The following WNK3 variants were observed in gnomAD, a reference collection of about 807,000 sequenced individuals.
WNK3 encodes the protein WNK lysine deficient protein kinase 3, also known as serine/threonine-protein kinase WNK3.
A neutral mutation model predicts 116.7 loss-of-function variants in WNK3; 18 were observed. That is an observed-to-expected ratio of 0.15 (90% CI 0.11 to 0.23). The LOEUF (loss-of-function observed/expected upper bound fraction) is 0.23. Among genes scored for constraint, WNK3 ranks in the 10% least tolerant of loss-of-function variants. WNK3 has a pLI of 1.00. For missense variants in WNK3, 993 were observed against 1,323.8 expected (o/e 0.75, Z 3.88); for synonymous variants, 404 against 469.4 (o/e 0.86, Z 1.80).
At chrX:54,254,769 C>T (rs2068172472) in intron 12 of WNK3, among the ~76,000 whole-genome samples, 1 of 111,448 alleles carries the variant, frequency 9.0e-6, no homozygotes, top group Non-Finnish European at 1.9e-5. Context: ...TTTAAAATGT[C>T]ATGTTATTGA....
chrX:54,274,947 G>A (rs2068424334), intron 10 of WNK3, among the ~76,000 whole-genome samples: 1 of 105,503 alleles, frequency 9.5e-6, no homozygotes, highest in African/African-American at 3.5e-5. Context: ...GGAGGTTGAG[G>A]CTACAGTAGA....
intron 2 of WNK3, among the ~76,000 whole-genome samples, chrX:54,317,393 T>C (rs2068971779): frequency 9.1e-6 from 1 of 109,819 alleles, no homozygotes; most frequent in Admixed American, 9.8e-5. Context: ...CTCTTGACCT[T>C]GTGATCCGCC....
chrX:54,320,232 G>A (rs2069013380), intron 2 of WNK3, among the ~76,000 whole-genome samples: 1 of 111,337 alleles, frequency 9.0e-6, no homozygotes. Flanking sequence ...CCTGAGACAT[G>A]GCACAATACC....
At position 54,255,932 on chromosome X, in the gene WNK3, A is replaced by G. The variant is rs1193439905; in HGVS notation, c.2103-45T>C. On this transcript the variant is annotated intron_variant, in intron 11 of 23. Coordinates refer to ENST00000354646, the Ensembl canonical transcript of WNK3. ...AGTAACTCATTCCAGTCTTGACAGTAAAATTCTAAGAAAAACTCCCAATTA... is the reference window on the plus strand; with the variant it reads ...AGTAACTCATTCCAGTCTTGACAGTGAAATTCTAAGAAAAACTCCCAATTA... The G allele has an allele frequency of 2.1e-5, 23 of 1,082,097 alleles. No individual in the cohort carries two copies. In the East Asian group the frequency reaches 6.8e-4, roughly 32 times the overall value. 89.2% of individuals were successfully genotyped at this position (1,082,097 alleles called of 1,213,427 possible). A position where few individuals can be genotyped will look rare whatever the true frequency, so the allele number is the denominator to read the frequency against.
chrX:54,231,825 G>A (rs1557148965), intron 21 of WNK3, among the ~76,000 whole-genome samples: 1 of 110,714 alleles, frequency 9.0e-6, no homozygotes, highest in African/African-American at 3.3e-5. Flanking sequence ...GTTCCATTGG[G>A]ATTTCACATA....
exon 24 of WNK3, chrX:54,195,134 A>G (rs1276530057): frequency 2.7e-5 from 3 of 112,153 alleles, no homozygotes; most frequent in African/African-American, 9.7e-5. Context: ...GTTACACCCA[A>G]CTTCACAGAC....
chrX:54,330,789 C>CA (rs1288542486), intron 2 of WNK3, among the ~76,000 whole-genome samples: 1 of 111,135 alleles, frequency 9.0e-6, no homozygotes, highest in Non-Finnish European at 1.9e-5. Flanking sequence ...ACTAAAAATA[C>CA]AAAAACAAAC....
chrX:54,289,391 A>C (rs1031424694), intron 10 of WNK3, among the ~76,000 whole-genome samples: 9 of 110,966 alleles, frequency 8.1e-5, no homozygotes, highest in Admixed American at 9.7e-5. Flanking sequence ...TTCAATGGGA[A>C]GGATGATAAT....
At chrX:54,240,141 C>T (rs952701481) in intron 17 of WNK3, among the ~76,000 whole-genome samples, 1 of 110,505 alleles carries the variant, frequency 9.0e-6, no homozygotes, top group African/African-American at 3.3e-5. Flanking sequence ...CCCGTCTCTA[C>T]TAAAAATACA....
chrX:54,350,409 C>CAAA (rs1350476250), intron 1 of WNK3, among the ~76,000 whole-genome samples: 1 of 69,580 alleles, frequency 1.4e-5, no homozygotes, highest in Non-Finnish European at 2.8e-5. Flanking sequence ...GACTCTGTCT[C>CAAA]AAAAAAAAAA....
chrX:54,250,052 C>A, exon 16 of WNK3: 1 of 1,204,031 alleles, frequency 8.3e-7, no homozygotes, highest in Non-Finnish European at 1.1e-6. Context: ...AAGGAGGAGA[C>A]TGAGTCTCAC....
chrX:54,245,943 CT>C (rs2068071174), intron 17 of WNK3, among the ~76,000 whole-genome samples: 1 of 112,363 alleles, frequency 8.9e-6, no homozygotes, highest in African/African-American at 3.2e-5. Flanking sequence ...ATGAAAATTA[CT>C]GCGCCCAGCC....
At chrX:54,276,114 TG>T (rs2068444507) in intron 10 of WNK3, among the ~76,000 whole-genome samples, 1 of 110,102 alleles carries the variant, frequency 9.1e-6, no homozygotes, top group South Asian at 3.9e-4. Flanking sequence ...CTGAGGCGGG[TG>T]GATCACCTGA....
intron 1 of WNK3, among the ~76,000 whole-genome samples, chrX:54,336,887 C>T (rs2069245806): frequency 9.0e-6 from 1 of 111,421 alleles, no homozygotes; most frequent in South Asian, 3.7e-4. Context: ...GATGACATTA[C>T]TAGGACATAT....
intron 17 of WNK3, among the ~76,000 whole-genome samples, chrX:54,245,681 G>A (rs1256203278): frequency 1.8e-5 from 2 of 111,905 alleles, no homozygotes; most frequent in Non-Finnish European, 3.8e-5. Context: ...TTGCTTCATA[G>A]TATCAGTGTC....
chrX:54,236,255 G>A (rs1279958872), intron 20 of WNK3, among the ~76,000 whole-genome samples: 1 of 108,558 alleles, frequency 9.2e-6, no homozygotes, highest in African/African-American at 3.4e-5. Context: ...GAGTACAGGC[G>A]TCTGCCACCA....
At chrX:54,356,362 G>A (rs1200668833) in intron 1 of WNK3, among the ~76,000 whole-genome samples, 1 of 111,547 alleles carries the variant, frequency 9.0e-6, no homozygotes, top group East Asian at 2.8e-4. Context: ...CCAGGCTAGA[G>A]TGCAGTGGCA....
intron 2 of WNK3, among the ~76,000 whole-genome samples, chrX:54,324,062 A>G (rs1557172828): frequency 8.9e-6 from 1 of 112,048 alleles, no homozygotes; most frequent in Non-Finnish European, 1.9e-5. Context: ...AAGACTCTAG[A>G]GAAGAATGTT....
chrX:54,230,058 C>A (rs201088616), intron 21 of WNK3, among the ~76,000 whole-genome samples: 1 of 111,329 alleles, frequency 9.0e-6, no homozygotes, highest in Non-Finnish European at 1.9e-5. Flanking sequence ...CTGCCAATGA[C>A]ACTGTTAAGA....
Sources: allele counts gnomAD v4.1 joint callset (sites outside exome capture counted in the v4.1 genomes callset), GRCh38; gene constraint gnomAD v4.1.1; transcripts MANE v1.5; gene names NCBI Gene and HGNC (gene_info 2026-07-23, HGNC 2026-07-21).